Variants in BPTF observed in about 807,000 individuals in gnomAD.
BPTF encodes the protein nucleosome-remodeling factor subunit BPTF.
In BPTF, 18 loss-of-function variants were observed where a neutral mutation model predicts 292.5. The ratio of observed to expected loss-of-function variants is 0.06; its 90% confidence interval spans 0.04 to 0.09. BPTF has a LOEUF of 0.09. BPTF is among the 10% of genes least tolerant of loss of function. The probability of loss-of-function intolerance (pLI) is 1.00; values close to 1 mark genes in which losing one functional copy is unlikely to be tolerated. For synonymous variants in BPTF, 1,225 were observed against 1,251.9 expected (o/e 0.98, Z 0.45); for missense variants, 2,726 against 3,498.7 (o/e 0.78, Z 5.57).
chr17:67,893,427 A>G lies in BPTF; in HGVS notation c.2113A>G (p.Ile705Val), dbSNP rs757176167. Reference sequence around the variant, plus strand: ...ACGGTTGAGCACCAAAAAGGAAGTGATCATGAAAGGAAATATCAACAATTA... The same window carrying G: ...ACGGTTGAGCACCAAAAAGGAAGTGGTCATGAAAGGAAATATCAACAATTA... ...ISRLSTKKEV[I>V]MKGNINNYFK... is the part of the protein sequence containing the mutation. Residue 705 changes from isoleucine to valine, a missense_variant, in exon 6 of 28, where the codon ATC (isoleucine) becomes GTC (valine). By Grantham distance (29) the Ile-to-Val change is conservative (BLOSUM62 3). Transcript: ENST00000306378. The G allele has an allele frequency of 6.2e-7, 1 of 1,614,194 alleles. No homozygotes were observed. Among genetic ancestry groups the G allele is most frequent in the Non-Finnish European group, 8.5e-7 (1 of 1,180,018 alleles).
intron 23 of BPTF, chr17:67,951,455 C>T (rs1350168774): frequency 6.6e-6 from 1 of 152,146 alleles, no homozygotes; most frequent in African/African-American, 2.4e-5. Context: ...GCACTTTGGC[C>T]TCTTGAACAA....
At chr17:67,897,967 A>G (rs2061561023) in intron 7 of BPTF, among the ~76,000 whole-genome samples, 1 of 152,100 alleles carries the variant, frequency 6.6e-6, no homozygotes, top group Non-Finnish European at 1.5e-5. Flanking sequence ...ATTGGTATGC[A>G]GATATATTCA....
At chr17:67,963,132 T>C (rs2067680203) in intron 24 of BPTF, among the ~76,000 whole-genome samples, 2 of 152,116 alleles carry the variant, frequency 1.3e-5, no homozygotes, top group African/African-American at 4.8e-5. Flanking sequence ...CTGATGTGAG[T>C]GACTTTATGT....
At chr17:67,919,944 C>A in intron 12 of BPTF, 71 bp from the exon 13 acceptor site, 1 of 1,451,444 alleles carries the variant, frequency 6.9e-7, no homozygotes, top group Non-Finnish European at 9.4e-7. Flanking sequence ...TTTTTGAAAG[C>A]ACCAGATGTA....
chr17:67,957,691 G>A (rs1555681718), intron 23 of BPTF, among the ~76,000 whole-genome samples: 1 of 152,160 alleles, frequency 6.6e-6, no homozygotes, highest in Non-Finnish European at 1.5e-5. Flanking sequence ...AACACAGCAA[G>A]ACTCCATCTC....
chr17:67,829,692 T>C (rs2143740794), intron 1 of BPTF, among the ~76,000 whole-genome samples: 1 of 152,298 alleles, frequency 6.6e-6, no homozygotes, highest in African/African-American at 2.4e-5. Context: ...CATAAAGAAG[T>C]ATGATTGATG....
chr17:67,891,977 C>T lies in BPTF; in HGVS notation c.1998C>T (p.Ser666=). The T allele has an allele frequency of 6.2e-7, 1 of 1,609,846 alleles. No homozygotes were observed. Among genetic ancestry groups the T allele is most frequent in the Non-Finnish European group, 8.5e-7 (1 of 1,178,322 alleles). ...NPDSKLSQLK[S]QQVAAAAHEA... is the part of the protein sequence containing the mutation. ...ATAGCAAACTTAGTCAGCTGAAGAG[C>T]CAGCAGGTGGCAGCCGCTGCACATG... The change falls in exon 5 of 28, where the codon AGC becomes AGT. Residue 666 remains serine (S), a synonymous_variant. Transcript: ENST00000306378.
chr17:67,945,127 C>T (rs1166615430), intron 20 of BPTF, among the ~76,000 whole-genome samples: 4 of 152,200 alleles, frequency 2.6e-5, no homozygotes, highest in African/African-American at 9.7e-5. Context: ...CCTTGAACTC[C>T]TGGACGCAAG....
In BPTF at chr17:67,837,181, T is replaced by TA. The variant is rs746184870; in HGVS notation, c.613+10851dup. Among the ~76,000 whole-genome samples the TA allele has an allele frequency of 7.9e-5, 12 of 152,260 alleles. 1 individual carries two copies. Among genetic ancestry groups the TA allele is most frequent in the East Asian group, 3.9e-4 (2 of 5,186 alleles). ...ATTTGCTGATAATATTGATTTGCCTTAAAAAAACTAGTCCTATTGAGAATT... is the reference window on the plus strand; with the variant it reads ...ATTTGCTGATAATATTGATTTGCCTTAAAAAAAACTAGTCCTATTGAGAATT... On this transcript the variant is annotated intron_variant, in intron 1 of 27. Coordinates refer to ENST00000306378, the MANE Select transcript of BPTF (RefSeq NM_182641.4).
intron 27 of BPTF, 153 bp downstream of exon 27, chr17:67,976,111 T>C (rs1314196745): frequency 1.8e-6 from 1 of 565,378 alleles, no homozygotes; most frequent in Non-Finnish European, 2.8e-6. Flanking sequence ...AGGGTTATGA[T>C]CTACTGCCAA....
intron 11 of BPTF, among the ~76,000 whole-genome samples, chr17:67,914,180 T>TTG (rs2062834639): frequency 6.6e-6 from 1 of 152,204 alleles, no homozygotes; most frequent in African/African-American, 2.4e-5. Flanking sequence ...GGCTTCGTTT[T>TTG]TGTGTGTCTT....
intron 1 of BPTF, among the ~76,000 whole-genome samples, chr17:67,851,454 G>A (rs529190295): frequency 3.9e-5 from 6 of 152,080 alleles, no homozygotes; most frequent in African/African-American, 7.2e-5. Flanking sequence ...CTCCACATGC[G>A]TATGCATAAG....
chr17:67,919,323 G>A lies in BPTF; in HGVS notation c.5428+485G>A, dbSNP rs543195304. Among the ~76,000 whole-genome samples, 241 of 152,012 alleles carry A rather than the reference G, an allele frequency of 1.6e-3. 1 individual carries two copies. Among genetic ancestry groups the A allele is most frequent in the Non-Finnish European group, 2.7e-3 (181 of 67,960 alleles). On this transcript the variant is annotated intron_variant, in intron 12 of 27. Transcript: ENST00000306378. ...GGCCAAGGCAGGAGGATCACTTGAGGCCAGGAGTTTGTGACCAGCCTGGAC... is the reference window on the plus strand; with the variant it reads ...GGCCAAGGCAGGAGGATCACTTGAGACCAGGAGTTTGTGACCAGCCTGGAC...
At chr17:67,939,054 T>C (rs2065155848) in intron 18 of BPTF, among the ~76,000 whole-genome samples, 1 of 152,178 alleles carries the variant, frequency 6.6e-6, no homozygotes. Flanking sequence ...CTGGCAGTAG[T>C]GTGAATTGGA....
rs1348330762 is a variant in BPTF, at chr17:67,825,986, A to G, written c.262A>G (p.Ser88Gly). The stretch of plus-strand genomic sequence containing the variant: ...GCCGCCGCCGGCCCCCCCCAGCACC[A>G]GCGCCCCGGGCCGGGGGGGGCGAGG... ...PPPPPAPPST[S>G]APGRGGRGGG... The change falls in exon 1 of 28, where the codon AGC becomes GGC. Residue 88 changes from serine to glycine, a missense_variant. Coordinates refer to ENST00000306378, the MANE Select transcript of BPTF (RefSeq NM_182641.4). The G allele has an allele frequency of 2.4e-4, 228 of 947,838 alleles. 1 individual carries two copies. Among genetic ancestry groups the G allele is most frequent in the Non-Finnish European group, 2.8e-4 (215 of 774,658 alleles). The allele number at this position is 947,838 out of a possible 1,614,324, so 58.7% of individuals were successfully genotyped here. A position where few individuals can be genotyped will look rare whatever the true frequency, so the allele number is the denominator to read the frequency against.
rs540713260 is a variant in BPTF, at chr17:67,831,539, C to T, written c.613+5202C>T. Among the ~76,000 whole-genome samples, 6 of 152,214 alleles carry T rather than the reference C, an allele frequency of 3.9e-5. No individual in the cohort carries two copies. The South Asian group carries it at 8.3e-4, about 21-fold the overall frequency. On this transcript the variant is annotated intron_variant, in intron 1 of 27. Transcript: ENST00000306378. ...GTTTGGAAGTTTGTATTGAAACATGCGTATCACAGGACTGGGGATGTTAAG... is the reference window on the plus strand; with the variant it reads ...GTTTGGAAGTTTGTATTGAAACATGTGTATCACAGGACTGGGGATGTTAAG...
intron 26 of BPTF, among the ~76,000 whole-genome samples, chr17:67,973,267 C>G (rs2069000258): frequency 1.3e-5 from 2 of 150,010 alleles, no homozygotes; most frequent in Admixed American, 1.3e-4. Flanking sequence ...CTAGCTACTC[C>G]AGAGGCTGAG....
intron 25 of BPTF, chr17:67,964,978 G>A (rs1370557134): frequency 1.8e-5 from 2 of 113,282 alleles, no homozygotes; most frequent in Non-Finnish European, 1.7e-5. Flanking sequence ...CAACCTGGGC[G>A]AGAGTGTGAG....
intron 16 of BPTF, 119 bp downstream of exon 16, chr17:67,928,720 G>A: frequency 7.9e-7 from 1 of 1,271,760 alleles, no homozygotes; most frequent in Non-Finnish European, 1.1e-6. Context: ...AGCCAGTTGA[G>A]CAAACAAGCT....
Sources: gnomAD v4.1 joint callset for allele counts (sites outside exome capture counted in the v4.1 genomes callset) on GRCh38, gnomAD v4.1.1 for gene constraint, MANE v1.5 for transcripts, NCBI Gene and HGNC (gene_info 2026-07-23, HGNC 2026-07-21) for gene names.